The following KALRN variants were observed in gnomAD, a reference collection of about 807,000 sequenced individuals.
KALRN encodes kalirin.
In KALRN, 70 loss-of-function variants were observed where a neutral mutation model predicts 353.7. That is an observed-to-expected ratio of 0.20 (90% confidence interval 0.16 to 0.24). KALRN has a LOEUF of 0.24. Among genes scored for constraint, KALRN ranks in the 10% least tolerant of loss-of-function variants. KALRN has a pLI of 1.00. For synonymous variants in KALRN, 1,391 were observed against 1,434.8 expected, an observed-to-expected ratio of 0.97 and a Z score of 0.69; for missense variants, 2,791 against 3,756.7, an observed-to-expected ratio of 0.74 and a Z score of 6.72.
chr3:124,310,605 C>T (rs936048846), intron 6 of KALRN, among the ~76,000 whole-genome samples: 2 of 152,142 alleles, frequency 1.3e-5, no homozygotes, highest in Non-Finnish European at 2.9e-5. Context: ...CATAAATAAA[C>T]CCATGTGTCT....
intron 1 of KALRN, among the ~76,000 whole-genome samples, chr3:124,090,971 T>G (rs2061084009): frequency 6.6e-6 from 1 of 152,190 alleles, no homozygotes; most frequent in Non-Finnish European, 1.5e-5. Flanking sequence ...GTAGATACTG[T>G]CCTCAGGTGT....
chr3:124,294,520 C>CTTTTTTTTTTTTTT lies in KALRN; in HGVS notation c.970-4262_970-4249dup, dbSNP rs397990993. On this transcript the variant is annotated intron_variant, in intron 5 of 59. Transcript: ENST00000682506. Reference sequence around the variant, plus strand: ...GGGCTGAGACTAAGAAGATTCTCTTCTTTTTTTTTTTTTTTTTTTTTTGAG... The same window carrying CTTTTTTTTTTTTTT: ...GGGCTGAGACTAAGAAGATTCTCTTCTTTTTTTTTTTTTTTTTTTTTTTTTTTTTTTTTTTTGAG... 2.2e-3 allele frequency among the ~76,000 whole-genome samples: 159 copies of CTTTTTTTTTTTTTT among 73,890 alleles called. 36 individuals carry two copies. The highest frequency in any genetic ancestry group is 0.018 in the East Asian group (35 of 1,980). The allele number at this position is 73,890 out of a possible 152,430, so 48.5% of individuals were successfully genotyped here. A position where few individuals can be genotyped will look rare whatever the true frequency, so the allele number is the denominator to read the frequency against.
At chr3:124,050,043 C>G (rs2149138477) in intron 1 of KALRN, among the ~76,000 whole-genome samples, 1 of 152,174 alleles carries the variant, frequency 6.6e-6, no homozygotes, top group African/African-American at 2.4e-5. Flanking sequence ...GGTCTGGGTG[C>G]ATAGAGGTGT....
intron 33 of KALRN, among the ~76,000 whole-genome samples, chr3:124,529,977 T>G (rs1265562156): frequency 6.6e-6 from 1 of 152,168 alleles, no homozygotes; most frequent in African/African-American, 2.4e-5. Context: ...AAGACAGTGT[T>G]GATTGCAAAT....
chr3:124,152,697 G>A (rs1356955940), intron 1 of KALRN, among the ~76,000 whole-genome samples: 11 of 149,760 alleles, frequency 7.3e-5, no homozygotes, highest in African/African-American at 2.7e-4. Flanking sequence ...GGGTTCAAGC[G>A]ATTCTCCTGC....
intron 15 of KALRN, among the ~76,000 whole-genome samples, chr3:124,424,285 T>A (rs941367868): frequency 4.6e-5 from 7 of 152,206 alleles, no homozygotes; most frequent in Non-Finnish European, 7.3e-5. Flanking sequence ...CTATAGCAGC[T>A]GCTGGAGCTT....
chr3:124,157,501 G>A lies in KALRN; in HGVS notation c.74-70489G>A, dbSNP rs116163550. Among the ~76,000 whole-genome samples, 461 of 152,346 alleles carry A rather than the reference G, an allele frequency of 3.0e-3. 1 individual carries two copies. The highest frequency in any genetic ancestry group is 0.01 in the African/African-American group (430 of 41,576). ...GCAAGAGCCATGAATCCCAATGGGAGTAGGCTGGGATAAGTAGTTATGTTA... is the reference window on the plus strand; with the variant it reads ...GCAAGAGCCATGAATCCCAATGGGAATAGGCTGGGATAAGTAGTTATGTTA... On this transcript the variant is annotated intron_variant, in intron 1 of 59. Transcript: ENST00000682506.
chr3:124,658,317 C>T (rs753524994), intron 41 of KALRN, 114 bp from the exon 42 acceptor site: 40 of 777,418 alleles, frequency 5.1e-5, no homozygotes, highest in South Asian at 7.2e-5. Context: ...TGCCTTGGTG[C>T]GTCCCCAAGT....
chr3:124,641,577 C>G (rs1232839315), intron 37 of KALRN, among the ~76,000 whole-genome samples: 1 of 152,192 alleles, frequency 6.6e-6, no homozygotes, highest in Non-Finnish European at 1.5e-5. Flanking sequence ...TTTTACCTCA[C>G]TTATTAGTGA....
At chr3:124,107,320 T>G (rs565463855) in intron 1 of KALRN, among the ~76,000 whole-genome samples, 1 of 152,120 alleles carries the variant, frequency 6.6e-6, no homozygotes, top group Non-Finnish European at 1.5e-5. Flanking sequence ...AGTCCCTCAG[T>G]GATAGTGTAA....
At chr3:124,639,974 T>C (rs1213819634) in intron 37 of KALRN, among the ~76,000 whole-genome samples, 1 of 152,330 alleles carries the variant, frequency 6.6e-6, no homozygotes, top group East Asian at 1.9e-4. Flanking sequence ...GGTAGCAATG[T>C]AACAATACTA....
At chr3:124,147,832 A>T (rs2067555699) in intron 1 of KALRN, among the ~76,000 whole-genome samples, 1 of 152,184 alleles carries the variant, frequency 6.6e-6, no homozygotes, top group Admixed American at 6.5e-5. Context: ...TTGCATATAG[A>T]TGCTGTATGT....
chr3:124,716,025 T>C (rs555439192), intron 58 of KALRN, among the ~76,000 whole-genome samples: 25 of 152,214 alleles, frequency 1.6e-4, no homozygotes, highest in African/African-American at 4.6e-4. Flanking sequence ...ATAATTGTTA[T>C]TATTTTGTTG....
At chr3:124,505,767 C>T (rs548711777) in intron 33 of KALRN, among the ~76,000 whole-genome samples, 1 of 152,326 alleles carries the variant, frequency 6.6e-6, no homozygotes, top group South Asian at 2.1e-4. Context: ...GCTGGAGCTC[C>T]CTTTACCGTA....
intron 5 of KALRN, among the ~76,000 whole-genome samples, chr3:124,278,212 C>T (rs913399494): frequency 6.7e-6 from 1 of 149,922 alleles, no homozygotes; most frequent in African/African-American, 2.5e-5. Context: ...CTTGATACAT[C>T]GTAAGGAAAA....
At chr3:124,248,260 C>T (rs182019437) in intron 3 of KALRN, among the ~76,000 whole-genome samples, 1 of 152,214 alleles carries the variant, frequency 6.6e-6, no homozygotes, top group Non-Finnish European at 1.5e-5. Context: ...CTTCACCCCC[C>T]CCATACTCCT....
At chr3:124,344,905 T>C (rs2082121070) in intron 9 of KALRN, among the ~76,000 whole-genome samples, 1 of 152,202 alleles carries the variant, frequency 6.6e-6, no homozygotes, top group South Asian at 2.1e-4. Flanking sequence ...ACAAATTGCG[T>C]TTAAAAAATA....
intron 1 of KALRN, chr3:124,151,899 A>C: frequency 1.6e-6 from 1 of 617,504 alleles, no homozygotes; most frequent in Non-Finnish European, 2.8e-6. Flanking sequence ...TTTGTATTCA[A>C]TTTGAGAGCA....
chr3:124,120,147 A>C (rs567655975), intron 1 of KALRN, among the ~76,000 whole-genome samples: 11 of 152,328 alleles, frequency 7.2e-5, no homozygotes, highest in East Asian at 3.9e-4. Flanking sequence ...GTGTGGGTAC[A>C]TGGGGTGATG....
Sources: gnomAD v4.1 joint callset for allele counts (sites outside exome capture counted in the v4.1 genomes callset) on GRCh38, gnomAD v4.1.1 for gene constraint, MANE v1.5 for transcripts, NCBI Gene and HGNC (gene_info 2026-07-23, HGNC 2026-07-21) for gene names.